Variants in TRHDE observed in about 807,000 individuals in gnomAD.
The protein encoded by TRHDE is thyrotropin releasing hormone degrading enzyme.
A neutral mutation model predicts 125.7 loss-of-function variants in TRHDE; 72 were observed. The ratio of observed to expected loss-of-function variants is 0.57; its 90% CI spans 0.47 to 0.70. The LOEUF is 0.70. TRHDE is among the 30% of genes least tolerant of loss of function. The pLI is 0.00. For missense variants in TRHDE, 1,110 were observed against 1,327.1 expected, an observed-to-expected ratio of 0.84 and a Z score of 2.54; for synonymous variants, 509 against 509.1, an observed-to-expected ratio of 1.00 and a Z score of 0.00.
At chr12:72,595,388 G>A (rs565975347) in intron 12 of TRHDE, among the ~76,000 whole-genome samples, 1 of 152,036 alleles carries the variant, frequency 6.6e-6, no homozygotes, top group South Asian at 2.1e-4. Flanking sequence ...ATTGTTAGGG[G>A]AATGATTGTA....
At chr12:72,604,500 CA>C (rs1872347518) in intron 12 of TRHDE, among the ~76,000 whole-genome samples, 1 of 151,990 alleles carries the variant, frequency 6.6e-6, no homozygotes, top group African/African-American at 2.4e-5. Context: ...ATAATAACAA[CA>C]ATGACTCTTA....
In TRHDE at chr12:72,295,620, A is replaced by G. The variant is rs1412041515; in HGVS notation, c.1188+8666A>G. ...ACCCACATCCAGGAAAGTACAAGACATATACACATAATGCACATTCCTGAT... is the reference window on the plus strand; with the variant it reads ...ACCCACATCCAGGAAAGTACAAGACGTATACACATAATGCACATTCCTGAT... On this transcript the variant is annotated intron_variant, in intron 2 of 18. Transcript: ENST00000261180. Among the ~76,000 whole-genome samples the G allele has an allele frequency of 2.0e-5, 3 of 152,186 alleles. No individual in the cohort carries two copies. In the East Asian group the frequency reaches 5.8e-4, roughly 29 times the overall value.
At chr12:72,431,719 A>G (rs1874491075) in intron 3 of TRHDE, 1 of 151,470 alleles carries the variant, frequency 6.6e-6, no homozygotes, top group African/African-American at 2.4e-5. Flanking sequence ...GTGGCCTATT[A>G]TCTGTTTATT....
Position 72,273,814 on chromosome 12 carries a change from C to G in TRHDE, c.914+257C>G, listed in dbSNP as rs965504695. 1 of 451,688 alleles carries G rather than the reference C, an allele frequency of 2.2e-6. No homozygotes were observed. The highest frequency in any genetic ancestry group is 4.0e-6 in the Non-Finnish European group (1 of 252,820). 28.0% of individuals were successfully genotyped at this position (451,688 alleles called of 1,614,324 possible). ...CTGCCCCCTCCTCTAGTCGGGACCTCTCCTCTTCCTGTCAGAGTTCCTTAG... is the reference window on the plus strand; with the variant it reads ...CTGCCCCCTCCTCTAGTCGGGACCTGTCCTCTTCCTGTCAGAGTTCCTTAG... On this transcript the variant is annotated intron_variant, in intron 1 of 18. Coordinates refer to ENST00000261180, the MANE Select transcript of TRHDE (RefSeq NM_013381.3). This position sits in a 1 kb window ranked among gnomAD's most constrained non-coding sequence, Gnocchi z 5.3.
At chr12:72,413,783 G>A (rs1418825918) in intron 3 of TRHDE, among the ~76,000 whole-genome samples, 3 of 151,916 alleles carry the variant, frequency 2.0e-5, no homozygotes, top group East Asian at 1.9e-4. Flanking sequence ...ATACACTTAT[G>A]GTAAAATCCA....
At chr12:72,291,649 G>C (rs907005298) in intron 2 of TRHDE, among the ~76,000 whole-genome samples, 1 of 152,132 alleles carries the variant, frequency 6.6e-6, no homozygotes, top group African/African-American at 2.4e-5. Flanking sequence ...TATTTTTCTG[G>C]TTCTTCTTCC....
intron 12 of TRHDE, among the ~76,000 whole-genome samples, chr12:72,614,704 C>A (rs138130166): frequency 7.2e-5 from 11 of 152,110 alleles, no homozygotes; most frequent in African/African-American, 2.7e-4. Context: ...ATTTTTATTT[C>A]TCTAAAAGTT....
At chr12:72,516,701 G>A (rs1396508657) in intron 6 of TRHDE, among the ~76,000 whole-genome samples, 26 of 150,758 alleles carry the variant, frequency 1.7e-4, no homozygotes, top group Non-Finnish European at 3.0e-4. Flanking sequence ...AGTGGTGAGA[G>A]AGGGCATCCC....
intron 1 of TRHDE, among the ~76,000 whole-genome samples, chr12:72,279,067 A>T (rs371441455): frequency 2.6e-5 from 4 of 152,224 alleles, no homozygotes; most frequent in African/African-American, 9.6e-5. Context: ...ATAAAGATGG[A>T]CCTGATACTG....
intron 3 of TRHDE, among the ~76,000 whole-genome samples, chr12:72,451,578 TTTGTTG>T (rs145119847): frequency 0.031 from 4,687 of 151,930 alleles, 91 homozygotes; most frequent in African/African-American, 0.054. Flanking sequence ...GGCTTTGTTT[TTTGTTG>T]TTGTTGTTGT....
chr12:72,270,007 T>C (rs1879160555), upstream of TRHDE, among the ~76,000 whole-genome samples: 1 of 152,174 alleles, frequency 6.6e-6, no homozygotes, highest in South Asian at 2.1e-4. Flanking sequence ...TCCATGGATA[T>C]TGGATCAGTA....
At position 72,618,965 on chromosome 12, in the gene TRHDE, G is replaced by A; in HGVS notation, c.2396G>A (p.Trp799Ter). The A allele has an allele frequency of 6.2e-7, 1 of 1,602,206 alleles. No individual in the cohort carries two copies. The highest frequency in any genetic ancestry group is 8.5e-7 in the Non-Finnish European group (1 of 1,173,874). Residue 799 changes from tryptophan (W) to a stop codon, truncating the protein, a stop_gained, in exon 13 of 19, where the codon TGG becomes TAG. Coordinates refer to ENST00000261180, the MANE Select transcript of TRHDE (RefSeq NM_013381.3). LOFTEE classifies it high-confidence loss of function. ...YLSEEKDFLP[W>*]HAASRALYPL... The stretch of plus-strand genomic sequence containing the variant: ...TCTGAGGAGAAGGATTTTCTTCCTT[G>A]GCATGCTGCCAGCCGAGCTCTTTAT...
chr12:72,211,644 C>G (rs561846096), intron 2 of TRHDE, among the ~76,000 whole-genome samples: 6 of 152,002 alleles, frequency 3.9e-5, no homozygotes, highest in African/African-American at 1.4e-4. Context: ...GCCCCGGGGA[C>G]GCAAAGCTAT....
intron 3 of TRHDE, among the ~76,000 whole-genome samples, chr12:72,431,043 T>G (rs1441272364): frequency 4.6e-5 from 7 of 152,152 alleles, no homozygotes; most frequent in Admixed American, 3.9e-4. Context: ...TCTTCTCAAT[T>G]TTATTTTTGG....
rs575651470 is a variant in TRHDE at position 72,520,316 on chromosome 12, G to A, written c.1722+20681G>A. On this transcript the variant is annotated intron_variant, in intron 6 of 18. Transcript: ENST00000261180. ...AGACTCCGTGGGCGTAAGACCCTCC[G>A]AGCCAGGTGCGGGATATAATCTCGT... 1.3e-3 allele frequency among the ~76,000 whole-genome samples: 192 copies of A among 152,312 alleles called. 1 individual carries two copies. Among genetic ancestry groups the A allele is most frequent in the Admixed American group, 2.4e-3 (36 of 15,310 alleles).
rs1592605062 is a variant in TRHDE at position 72,668,096 on chromosome 12, T to C, written c.*4901T>C. 6.6e-6 allele frequency: 1 copy of C among 151,740 alleles called. No homozygotes were observed. The highest frequency in any genetic ancestry group is 1.9e-4 in the East Asian group (1 of 5,168). 9.4% of individuals were successfully genotyped at this position (151,740 alleles called of 1,614,324 possible). ...TAAATTATTCTAGAATCCCAAATTT[T>C]AATTATATAAGAACAACCTTTTGTT... On this transcript the variant is annotated 3_prime_UTR_variant, in exon 19 of 19. Transcript: ENST00000261180.
chr12:72,126,690 T>C (rs1408527013), intron 2 of TRHDE, among the ~76,000 whole-genome samples: 1 of 152,200 alleles, frequency 6.6e-6, no homozygotes, highest in East Asian at 1.9e-4. Context: ...TTTCACCATA[T>C]ACAAAAGTTA....
intron 12 of TRHDE, among the ~76,000 whole-genome samples, chr12:72,609,612 C>T (rs1324589145): frequency 1.3e-5 from 2 of 152,130 alleles, no homozygotes; most frequent in Admixed American, 1.3e-4. Context: ...CCTCCTCCCT[C>T]CCTCCACAAT....
intron 15 of TRHDE, among the ~76,000 whole-genome samples, chr12:72,629,276 T>C (rs1490599634): frequency 1.3e-5 from 2 of 151,838 alleles, no homozygotes; most frequent in South Asian, 4.1e-4. Flanking sequence ...TAGAGGCACA[T>C]AGTCAATAGT....
Sources: gnomAD v4.1 joint callset for allele counts (sites outside exome capture counted in the v4.1 genomes callset) on GRCh38, gnomAD v4.1.1 for gene constraint, Gnocchi (gnomAD v3.1) non-coding constraint, MANE v1.5 for transcripts, NCBI Gene and HGNC (gene_info 2026-07-23, HGNC 2026-07-21) for gene names.